EDIL3: variants seen among roughly 807,000 people sequenced by gnomAD.
EDIL3 encodes EGF-like repeat and discoidin I-like domain-containing protein 3.
A neutral mutation model predicts 67.4 loss-of-function variants in EDIL3; 37 were observed. The observed-to-expected ratio is 0.55, with a 90% CI of 0.42 to 0.72. The LOEUF is 0.72. EDIL3 is among the 30% of genes least tolerant of loss of function. The probability of loss-of-function intolerance (pLI) is 0.00; values close to 1 mark genes in which losing one functional copy is unlikely to be tolerated. For synonymous variants in EDIL3, 195 were observed against 196.3 expected (o/e 0.99, Z 0.05); for missense variants, 527 against 586.3 (o/e 0.90, Z 1.04).
chr5:84,177,222 A>G (rs1021952014), intron 4 of EDIL3, among the ~76,000 whole-genome samples: 1 of 152,210 alleles, frequency 6.6e-6, no homozygotes. Flanking sequence ...TAAACAAACT[A>G]TGGTACATCC....
At chr5:84,072,812 G>T (rs1210132441) in intron 6 of EDIL3, among the ~76,000 whole-genome samples, 1 of 152,142 alleles carries the variant, frequency 6.6e-6, no homozygotes, top group Non-Finnish European at 1.5e-5. Context: ...GAAGGAGGAA[G>T]GGAGGGAGTA....
intron 1 of EDIL3, among the ~76,000 whole-genome samples, chr5:84,315,515 C>T (rs1746491732): frequency 6.6e-6 from 1 of 152,110 alleles, no homozygotes; most frequent in Non-Finnish European, 1.5e-5. Flanking sequence ...TTTAACACCT[C>T]ATTGATTTTA....
At chr5:84,259,201 T>G (rs867750073) in intron 1 of EDIL3, among the ~76,000 whole-genome samples, 2 of 152,060 alleles carry the variant, frequency 1.3e-5, no homozygotes, top group South Asian at 4.1e-4. Flanking sequence ...CCTCATGATC[T>G]GCCTGCCTTG....
intron 1 of EDIL3, 61 bp downstream of exon 1, chr5:84,384,247 G>T (rs1379292698): frequency 3.2e-6 from 5 of 1,558,896 alleles, no homozygotes; most frequent in Non-Finnish European, 4.4e-6. Context: ...CCCCTGCGCG[G>T]CGTTTCTCAG....
intron 2 of EDIL3, among the ~76,000 whole-genome samples, chr5:84,247,890 A>T (rs1744941877): frequency 6.6e-6 from 1 of 152,108 alleles, no homozygotes; most frequent in African/African-American, 2.4e-5. Context: ...TCCTGTACTG[A>T]CCTACTGTCA....
At chr5:84,277,474 CTATTT>C (rs1745604049) in intron 1 of EDIL3, among the ~76,000 whole-genome samples, 1 of 152,120 alleles carries the variant, frequency 6.6e-6, no homozygotes, top group Admixed American at 6.5e-5. Flanking sequence ...TGATTATTTG[CTATTT>C]TATATTATAT....
At chr5:84,377,307 CAAA>C (rs773972385) in intron 1 of EDIL3, among the ~76,000 whole-genome samples, 1 of 68,076 alleles carries the variant, frequency 1.5e-5, no homozygotes, top group African/African-American at 5.6e-5. Flanking sequence ...GACTCCGTCT[CAAA>C]AAAAAAAAAA....
At chr5:84,361,907 A>G (rs972008338) in intron 1 of EDIL3, among the ~76,000 whole-genome samples, 5 of 152,080 alleles carry the variant, frequency 3.3e-5, no homozygotes, top group African/African-American at 7.2e-5. Context: ...TTATCTAAAC[A>G]TAATAGTCTA....
chr5:84,073,183 G>T (rs1746775428), intron 6 of EDIL3, among the ~76,000 whole-genome samples: 1 of 152,104 alleles, frequency 6.6e-6, no homozygotes, highest in Non-Finnish European at 1.5e-5. Flanking sequence ...ATTAGGTATT[G>T]ATGGGACGTA....
Position 83,961,074 on chromosome 5 carries a change from A to T in EDIL3, c.1293+2131T>A, listed in dbSNP as rs571089674. Among the ~76,000 whole-genome samples, 646 of 151,236 alleles carry T rather than the reference A, an allele frequency of 4.3e-3. 6 individuals carry two copies. Among genetic ancestry groups the T allele is most frequent in the African/African-American group, 0.015 (622 of 41,480 alleles). ...ATAAAAAGAAAGCTGGAGTTAATCG[A>T]TATCTATTAATATCACACAAAATAG... is the stretch of plus-strand genomic sequence containing the variant. On this transcript the variant is annotated intron_variant, in intron 10 of 10. Transcript: ENST00000296591.
At chr5:84,357,423 C>T (rs746428197) in intron 1 of EDIL3, among the ~76,000 whole-genome samples, 5 of 152,074 alleles carry the variant, frequency 3.3e-5, no homozygotes, top group Non-Finnish European at 5.9e-5. Context: ...AGAAAATTCT[C>T]CCACATCAAA....
rs566789673 is a variant in EDIL3 at position 83,957,578 on chromosome 5, C to G, written c.1293+5627G>C. Among the ~76,000 whole-genome samples the G allele has an allele frequency of 3.3e-5, 5 of 151,744 alleles. No individual in the cohort carries two copies. In the East Asian group the frequency reaches 9.8e-4, roughly 30 times the overall value. On this transcript the variant is annotated intron_variant, in intron 10 of 10. Transcript: ENST00000296591. ...CTTCAATGCAGACCATGGCTGGCAG[C>G]TTTATTAATGGGGACTGATGATATT...
chr5:84,118,739 T>A (rs1327821172), intron 5 of EDIL3, among the ~76,000 whole-genome samples: 2 of 152,202 alleles, frequency 1.3e-5, no homozygotes, highest in African/African-American at 4.8e-5. Context: ...AATTGTTTAA[T>A]CTTTCAGCAG....
At chr5:84,080,115 CAAAAAAAAAAAAAAAAAAA>C (rs10566347) in intron 6 of EDIL3, among the ~76,000 whole-genome samples, 9 of 52,954 alleles carry the variant, frequency 1.7e-4, no homozygotes, top group Admixed American at 3.2e-4. Flanking sequence ...ACTAAAAATA[CAAAAAAAAAAAAAAAAAAA>C]AAAAAAAAAA....
At chr5:84,112,465 CG>C (rs1209738526) in intron 5 of EDIL3, among the ~76,000 whole-genome samples, 1 of 152,168 alleles carries the variant, frequency 6.6e-6, no homozygotes, top group Non-Finnish European at 1.5e-5. Flanking sequence ...AGATTGGCCA[CG>C]TTTCACAAAT....
chr5:84,042,408 A>G (rs2112215161), intron 9 of EDIL3, among the ~76,000 whole-genome samples: 1 of 151,938 alleles, frequency 6.6e-6, no homozygotes, highest in African/African-American at 2.4e-5. Flanking sequence ...CAGCCCCCCG[A>G]GTAGTTGAGA....
chr5:84,066,986 C>T (rs1746654456), intron 6 of EDIL3, among the ~76,000 whole-genome samples: 1 of 152,118 alleles, frequency 6.6e-6, no homozygotes. Context: ...GTCAACATAA[C>T]TATTAATGTG....
intron 5 of EDIL3, among the ~76,000 whole-genome samples, chr5:84,121,283 A>G (rs1419739170): frequency 6.6e-6 from 1 of 151,990 alleles, no homozygotes; most frequent in Admixed American, 6.6e-5. Context: ...TAAAACAACA[A>G]AAATTAATAT....
chr5:84,028,552 A>G (rs16900845), intron 9 of EDIL3, among the ~76,000 whole-genome samples: 8,254 of 152,178 alleles, frequency 0.054, 759 homozygotes, highest in African/African-American at 0.19. Context: ...CTGAAAATTA[A>G]GTGAAATTAT....
Sources: allele counts gnomAD v4.1 joint callset (sites outside exome capture counted in the v4.1 genomes callset), GRCh38; gene constraint gnomAD v4.1.1; transcripts MANE v1.5; gene names NCBI Gene and HGNC (gene_info 2026-07-23, HGNC 2026-07-21).